The following AGBL1 variants were observed in gnomAD, a reference collection of about 807,000 sequenced individuals.
AGBL1 encodes the protein AGBL carboxypeptidase 1.
A neutral mutation model predicts 118.9 loss-of-function variants in AGBL1; 130 were observed. That is an observed-to-expected ratio of 1.09 (90% CI 0.95 to 1.26). AGBL1 has a LOEUF of 1.26. Ranked by LOEUF, AGBL1 falls within the 50% of genes most tolerant of loss-of-function variation. AGBL1 has a pLI of 0.00. For missense variants in AGBL1, 1,584 were observed against 1,298.1 expected (o/e 1.22, Z -3.38); for synonymous variants, 555 against 478.9 (o/e 1.16, Z -2.08).
intron 21 of AGBL1, among the ~76,000 whole-genome samples, chr15:86,587,172 C>T (rs966147937): frequency 2.6e-5 from 4 of 152,164 alleles, no homozygotes; most frequent in African/African-American, 9.7e-5. Context: ...TATGAGCAGG[C>T]ATTGTTTTTA....
chr15:86,568,739 G>A (rs1035224252), intron 21 of AGBL1, among the ~76,000 whole-genome samples: 3 of 152,158 alleles, frequency 2.0e-5, no homozygotes, highest in African/African-American at 7.2e-5. Context: ...AGATCTCCAG[G>A]TGATCCATTT....
intron 17 of AGBL1, among the ~76,000 whole-genome samples, chr15:86,328,036 TG>T (rs1294221523): frequency 6.6e-6 from 1 of 152,188 alleles, no homozygotes; most frequent in East Asian, 1.9e-4. Flanking sequence ...TTCTTAAAAA[TG>T]AAGCTCATAA....
At chr15:86,396,983 A>T (rs2141990190) in intron 17 of AGBL1, among the ~76,000 whole-genome samples, 1 of 152,294 alleles carries the variant, frequency 6.6e-6, no homozygotes, top group South Asian at 2.1e-4. Flanking sequence ...TACATTTTTG[A>T]TGACAGCCTT....
chr15:86,401,110 G>A (rs111863804), intron 18 of AGBL1, among the ~76,000 whole-genome samples: 3,067 of 152,122 alleles, frequency 0.02, 43 homozygotes, highest in Middle Eastern at 0.065. Context: ...GCACATCTAC[G>A]CTAACATCTA....
At chr15:86,280,752 A>G (rs950809897) in intron 16 of AGBL1, among the ~76,000 whole-genome samples, 1 of 152,224 alleles carries the variant, frequency 6.6e-6, no homozygotes, top group African/African-American at 2.4e-5. Context: ...ATGTGCAGGT[A>G]TAAATGTGAA....
intron 6 of AGBL1, among the ~76,000 whole-genome samples, chr15:86,225,539 C>T (rs554969989): frequency 6.6e-6 from 1 of 152,220 alleles, no homozygotes; most frequent in African/African-American, 2.4e-5. Context: ...AAGAATAGCT[C>T]TGGGGTTCTG....
chr15:86,824,288 C>T (rs942245876), intron 22 of AGBL1, among the ~76,000 whole-genome samples: 6 of 152,008 alleles, frequency 3.9e-5, no homozygotes, highest in Non-Finnish European at 7.4e-5. Context: ...TTTTTCTATA[C>T]TAAAAATGAA....
At chr15:86,917,505 A>C (rs1596632468), downstream of AGBL1, among the ~76,000 whole-genome samples, 1 of 152,218 alleles carries the variant, frequency 6.6e-6, no homozygotes, top group African/African-American at 2.4e-5. This position sits in a 1 kb window ranked among gnomAD's most constrained non-coding sequence, Gnocchi z 4.8. Context: ...GCCACTGTAC[A>C]GTTACATGCA....
intron 22 of AGBL1, among the ~76,000 whole-genome samples, chr15:86,765,950 A>G (rs1015307596): frequency 2.0e-4 from 30 of 151,958 alleles, no homozygotes; most frequent in African/African-American, 6.3e-4. Context: ...TATTTTCCTT[A>G]AAGTACCTTT....
intron 16 of AGBL1, among the ~76,000 whole-genome samples, chr15:86,294,223 C>T (rs1214463961): frequency 1.3e-5 from 2 of 151,826 alleles, no homozygotes; most frequent in Non-Finnish European, 1.5e-5. Flanking sequence ...TATGGCAAAA[C>T]CCCACTCTCT....
chr15:86,490,609 G>C (rs1373947485), intron 18 of AGBL1, among the ~76,000 whole-genome samples: 1 of 152,064 alleles, frequency 6.6e-6, no homozygotes, highest in Non-Finnish European at 1.5e-5. Flanking sequence ...AGTCCAACAT[G>C]AGGATTTGCA....
chr15:86,545,884 A>T, intron 19 of AGBL1, 118 bp from the exon 20 acceptor site: 1 of 1,271,984 alleles, frequency 7.9e-7, no homozygotes, highest in South Asian at 1.5e-5. Context: ...AGCATCCGAG[A>T]AAGTTGACAT....
rs1453517092 is a variant in AGBL1, at chr15:86,604,620, A to G, written c.2994+50083A>G. 5.3e-5 allele frequency among the ~76,000 whole-genome samples: 8 copies of G among 152,296 alleles called. No homozygotes were observed. In the East Asian group the frequency reaches 1.5e-3, roughly 29 times the overall value. Reference sequence around the variant, plus strand: ...CCTTACCTTTTAATAATACCTGTACAGTTGGGTTGACATATACCAACCTCA... The same window carrying G: ...CCTTACCTTTTAATAATACCTGTACGGTTGGGTTGACATATACCAACCTCA... On this transcript the variant is annotated intron_variant, in intron 21 of 22. Coordinates refer to ENST00000614907, the MANE Select transcript of AGBL1 (RefSeq NM_001386094.1).
intron 21 of AGBL1, among the ~76,000 whole-genome samples, chr15:86,666,243 G>T (rs1160070499): frequency 6.6e-6 from 1 of 151,904 alleles, no homozygotes; most frequent in Non-Finnish European, 1.5e-5. Context: ...CATAACCCTT[G>T]GGATATTTAT....
intron 22 of AGBL1, among the ~76,000 whole-genome samples, chr15:86,805,534 T>C (rs923805142): frequency 2.0e-5 from 3 of 151,536 alleles, no homozygotes; most frequent in Admixed American, 6.6e-5. Flanking sequence ...ATGTGCACAA[T>C]AGGAAGAGGG....
At chr15:86,788,443 TGTG>T (rs2078445709) in intron 22 of AGBL1, among the ~76,000 whole-genome samples, 1 of 151,958 alleles carries the variant, frequency 6.6e-6, no homozygotes, top group African/African-American at 2.4e-5. Flanking sequence ...TGCAAGAAAA[TGTG>T]GTAAGAGTTT....
chr15:86,813,473 A>T (rs115244012), intron 22 of AGBL1, among the ~76,000 whole-genome samples: 1,860 of 152,242 alleles, frequency 0.012, 26 homozygotes, highest in Middle Eastern at 0.061. Context: ...GTCATATATG[A>T]TTTCTGGAGC....
chr15:86,820,377 T>G (rs1300075746), intron 22 of AGBL1, among the ~76,000 whole-genome samples: 1 of 151,936 alleles, frequency 6.6e-6, no homozygotes, highest in Non-Finnish European at 1.5e-5. Context: ...GGGAGAAAAT[T>G]TTTTCAATCT....
intron 17 of AGBL1, among the ~76,000 whole-genome samples, chr15:86,332,602 C>T (rs970866270): frequency 3.6e-4 from 53 of 147,308 alleles, no homozygotes; most frequent in Non-Finnish European, 4.8e-4. Flanking sequence ...GCCAAGATTG[C>T]GCCACTGCAC....
Sources: gnomAD v4.1 joint callset for allele counts (sites outside exome capture counted in the v4.1 genomes callset) on GRCh38, gnomAD v4.1.1 for gene constraint, Gnocchi (gnomAD v3.1) non-coding constraint, MANE v1.5 for transcripts, NCBI Gene and HGNC (gene_info 2026-07-23, HGNC 2026-07-21) for gene names.